Variants in SP3 observed in about 807,000 individuals in gnomAD.
SP3 encodes the protein Sp3 transcription factor.
SP3 carries 10 observed loss-of-function variants against 70.3 expected under a neutral mutation model. The observed-to-expected ratio is 0.14, with a 90% CI of 0.09 to 0.24. The LOEUF (loss-of-function observed/expected upper bound fraction) is 0.24. Ranked by LOEUF, SP3 falls within the 10% of genes least tolerant of loss-of-function variation. The pLI is 1.00. For missense variants in SP3, 825 were observed against 914.6 expected (o/e 0.90, Z 1.26); for synonymous variants, 402 against 333.5 (o/e 1.21, Z -2.24).
chr2:173,913,467 C>T, intron 5 of SP3: 1 of 366,256 alleles, frequency 2.7e-6, no homozygotes, highest in Non-Finnish European at 4.8e-6. Context: ...ATTAACCTTA[C>T]TCCAGAATTA....
intron 4 of SP3, among the ~76,000 whole-genome samples, chr2:173,952,480 G>GA (rs1261089901): frequency 1.3e-5 from 2 of 152,148 alleles, no homozygotes; most frequent in Admixed American, 1.3e-4. Context: ...ACACATTGCT[G>GA]ATGAGAATGT....
chr2:173,944,090 C>G (rs541045874), intron 4 of SP3, among the ~76,000 whole-genome samples: 1 of 152,226 alleles, frequency 6.6e-6, no homozygotes, highest in Non-Finnish European at 1.5e-5. Context: ...ACTGAAACAT[C>G]ATTATGCAGC....
intron 4 of SP3, among the ~76,000 whole-genome samples, chr2:173,937,241 ATTAAAAATTTATCT>A (rs1690235644): frequency 6.6e-6 from 1 of 152,222 alleles, no homozygotes; most frequent in Non-Finnish European, 1.5e-5. Flanking sequence ...AAAGACATTT[ATTAAAAATTTATCT>A]GACTTTCCCC....
rs1689535971 is a variant in SP3 at position 173,913,081 on chromosome 2, C to A, written c.2018G>T (p.Arg673Ile). Residue 673 changes from arginine (R) to isoleucine (I), a missense_variant, in exon 6 of 7, where the codon AGA (arginine) becomes ATA (isoleucine). This residue lies in a region of SP3 where 19 missense variants were observed against 99.4 expected (regional missense o/e 0.19). Transcript: ENST00000310015. ...TAAGTATTAGTAACCTGTATGTGTT[C>A]TTCTGTGCCTCTGTAATTCATCACT... ...TRSDELQRHR[R>I]THTGEKKFVC... 1 of 1,608,096 alleles carries A rather than the reference C, an allele frequency of 6.2e-7. No homozygotes were observed. The highest frequency in any genetic ancestry group is 1.1e-5 in the South Asian group (1 of 89,812).
At position 173,958,711 on chromosome 2, in the gene SP3, A is replaced by C. The variant is rs139137117; in HGVS notation, c.280-2479T>G. ...CCTATTTTCTAAATGGAATGGAAAA[A>C]ACACATTGAATCAGAAAACTACTAG... On this transcript the variant is annotated intron_variant, in intron 3 of 6. Coordinates refer to ENST00000310015, the MANE Select transcript of SP3 (RefSeq NM_003111.5). Among the ~76,000 whole-genome samples, 902 of 152,112 alleles carry C rather than the reference A, an allele frequency of 5.9e-3. 2 individuals carry two copies. The highest frequency in any genetic ancestry group is 9.4e-3 in the Non-Finnish European group (640 of 67,950).
intron 4 of SP3, among the ~76,000 whole-genome samples, chr2:173,925,484 G>T (rs1182027880): frequency 6.6e-6 from 1 of 152,164 alleles, no homozygotes; most frequent in African/African-American, 2.4e-5. Flanking sequence ...AAATTCTAGA[G>T]ATGTGTTACA....
intron 4 of SP3, among the ~76,000 whole-genome samples, chr2:173,948,970 T>C (rs1690627170): frequency 6.6e-6 from 1 of 152,190 alleles, no homozygotes; most frequent in African/African-American, 2.4e-5. Flanking sequence ...CCTCAGGTTA[T>C]TTTTGATAAG....
intron 4 of SP3, among the ~76,000 whole-genome samples, chr2:173,942,681 T>C (rs1434887940): frequency 6.6e-6 from 1 of 152,190 alleles, no homozygotes. Context: ...CATCCACTTG[T>C]AGATCTAATA....
intron 3 of SP3, chr2:173,962,972 C>G (rs926873544): frequency 2.0e-5 from 3 of 152,230 alleles, no homozygotes. Flanking sequence ...CATATCTTAC[C>G]TGACTAGCAG....
At chr2:173,931,199 T>C (rs1280466447) in intron 4 of SP3, among the ~76,000 whole-genome samples, 1 of 152,126 alleles carries the variant, frequency 6.6e-6, no homozygotes, top group African/African-American at 2.4e-5. Context: ...TGGTGGAGGG[T>C]CTTGCCTCAA....
rs762039592 is a variant in SP3, at chr2:173,955,610, T to C, written c.902A>G (p.Gln301Arg). The C allele has an allele frequency of 3.7e-6, 6 of 1,613,998 alleles. No homozygotes were observed. The Admixed American group carries it at 5.0e-5, about 13-fold the overall frequency. Residue 301 changes from glutamine to arginine, a missense_variant, in exon 4 of 7, where the codon CAA (glutamine) becomes CGA (arginine). Gln to Arg is a conservative substitution (Grantham distance 43). Coordinates refer to ENST00000310015, the MANE Select transcript of SP3 (RefSeq NM_003111.5). ...TGAATTGTCTGAACTATCCATAGCT[T>C]GTCCTGTGTTTATCAAATGTCCGTC... ...NADGHLINTGQAMDSSDNSER... is the reference protein window; with the variant it reads ...NADGHLINTGRAMDSSDNSER...
intron 4 of SP3, among the ~76,000 whole-genome samples, chr2:173,943,139 T>C (rs900362382): frequency 7.2e-5 from 11 of 152,194 alleles, no homozygotes; most frequent in African/African-American, 2.7e-4. Flanking sequence ...GGCAGGGACC[T>C]GCTGGCGTGA....
At chr2:173,965,424 C>T, upstream of SP3, 3 of 537,034 alleles carry the variant, frequency 5.6e-6, no homozygotes, top group South Asian at 2.2e-5. Context: ...CGCCGCCGTG[C>T]TCTTTGTCGG....
Position 173,902,948 on chromosome 2 carries a change from G to A in SP3, c.*6993C>T, listed in dbSNP as rs1012024659. On this transcript the variant is annotated 3_prime_UTR_variant, in exon 7 of 7. Coordinates refer to ENST00000310015, the MANE Select transcript of SP3 (RefSeq NM_003111.5). ...AGAAAAAATATATAGGTAAAAATAA[G>A]ACTATAAAAGTTGGGTGATAGATAC... Among the ~76,000 whole-genome samples, 2 of 152,106 alleles carry A rather than the reference G, an allele frequency of 1.3e-5. No individual in the cohort carries two copies. Among genetic ancestry groups the A allele is most frequent in the African/African-American group, 4.8e-5 (2 of 41,426 alleles).
chr2:173,946,721 CTTTTTTT>C (rs35419725), intron 4 of SP3, among the ~76,000 whole-genome samples: 1 of 129,268 alleles, frequency 7.7e-6, no homozygotes, highest in Non-Finnish European at 1.6e-5. Flanking sequence ...AAAGATCTGC[CTTTTTTT>C]TTTTTTTTTT....
At chr2:173,935,167 C>T (rs1314057541) in intron 4 of SP3, among the ~76,000 whole-genome samples, 3 of 152,074 alleles carry the variant, frequency 2.0e-5, no homozygotes, top group Non-Finnish European at 4.4e-5. Flanking sequence ...CCAGGAGGTT[C>T]GGGGCTGCAG....
chr2:173,916,711 G>A (rs1039290400), intron 5 of SP3: 1 of 152,060 alleles, frequency 6.6e-6, no homozygotes, highest in African/African-American at 2.4e-5. Flanking sequence ...CTGCTGGTTA[G>A]AGTATAAACT....
Position 173,960,270 on chromosome 2 carries a change from G to A in SP3, c.279+3491C>T, listed in dbSNP as rs73972419. Among the ~76,000 whole-genome samples the A allele has an allele frequency of 9.3e-3, 1,420 of 152,304 alleles. 19 individuals are homozygous for A. Among genetic ancestry groups the A allele is most frequent in the African/African-American group, 0.032 (1,320 of 41,562 alleles). ...CTCTCTACATACAAATATACCGGTGGAAACGGAAAAAGAAAAAATTCACAC... is the reference window on the plus strand; with the variant it reads ...CTCTCTACATACAAATATACCGGTGAAAACGGAAAAAGAAAAAATTCACAC... On this transcript the variant is annotated intron_variant, in intron 3 of 6. Transcript: ENST00000310015.
chr2:173,909,370 TCTTACAAGAGTAATG>T lies in SP3; in HGVS notation c.*556_*570del, dbSNP rs1347234227. On this transcript the variant is annotated 3_prime_UTR_variant, in exon 7 of 7. Coordinates refer to ENST00000310015, the MANE Select transcript of SP3 (RefSeq NM_003111.5). ...CCATGTTAAAATGTAGTTTTCAAAATCTTACAAGAGTAATGCTTAAAATATTGTACATAGTTAACC... is the reference window on the plus strand; with the variant it reads ...CCATGTTAAAATGTAGTTTTCAAAATCTTAAAATATTGTACATAGTTAACC... 2 of 152,560 alleles carry T rather than the reference TCTTACAAGAGTAATG, an allele frequency of 1.3e-5. No individual in the cohort carries two copies. Among genetic ancestry groups the T allele is most frequent in the African/African-American group, 4.8e-5 (2 of 41,458 alleles). 9.5% of individuals were successfully genotyped at this position (152,560 alleles called of 1,614,324 possible). A position where few individuals can be genotyped will look rare whatever the true frequency, so the allele number is the denominator to read the frequency against.
Sources: allele counts gnomAD v4.1 joint callset (sites outside exome capture counted in the v4.1 genomes callset), GRCh38; gene constraint gnomAD v4.1.1; regional missense constraint gnomAD v4.1.1; transcripts MANE v1.5; gene names NCBI Gene and HGNC (gene_info 2026-07-23, HGNC 2026-07-21).